Variants in NMNAT2 observed in about 807,000 individuals in gnomAD.
The protein encoded by NMNAT2 is nicotinamide nucleotide adenylyltransferase 2, also known as nicotinamide/nicotinic acid mononucleotide adenylyltransferase 2.
NMNAT2 carries 11 observed loss-of-function variants against 41.6 expected under a neutral mutation model. The observed-to-expected ratio is 0.26, with a 90% CI of 0.17 to 0.44. The LOEUF (loss-of-function observed/expected upper bound fraction) is 0.44. Ranked by LOEUF, NMNAT2 falls within the 20% of genes least tolerant of loss-of-function variation. The pLI is 1.00. For synonymous variants in NMNAT2, 148 were observed against 151.2 expected (o/e 0.98, Z 0.16); for missense variants, 288 against 407.7 (o/e 0.71, Z 2.53).
intron 1 of NMNAT2, among the ~76,000 whole-genome samples, chr1:183,393,579 G>A (rs1270110601): frequency 6.6e-6 from 1 of 152,048 alleles, no homozygotes; most frequent in Admixed American, 6.6e-5. Flanking sequence ...ATTTAGAGAC[G>A]GAATCTTACT....
chr1:183,390,876 TATC>T (rs926356810), intron 1 of NMNAT2, among the ~76,000 whole-genome samples: 1 of 152,124 alleles, frequency 6.6e-6, no homozygotes, highest in African/African-American at 2.4e-5. Context: ...TTTCTGAAAA[TATC>T]ATGACAGTTC....
intron 3 of NMNAT2, among the ~76,000 whole-genome samples, chr1:183,291,017 A>G (rs557405558): frequency 6.6e-6 from 1 of 152,286 alleles, no homozygotes; most frequent in East Asian, 1.9e-4. Flanking sequence ...CCTGGGTTCA[A>G]GTGATTCTCC....
At chr1:183,394,091 G>A (rs1352660315) in intron 1 of NMNAT2, among the ~76,000 whole-genome samples, 1 of 152,228 alleles carries the variant, frequency 6.6e-6, no homozygotes, top group Non-Finnish European at 1.5e-5. Context: ...AGCATAGCAA[G>A]TGAGCTATGT....
chr1:183,299,099 C>T (rs1661779498), intron 1 of NMNAT2, among the ~76,000 whole-genome samples: 1 of 152,174 alleles, frequency 6.6e-6, no homozygotes, highest in Non-Finnish European at 1.5e-5. Context: ...TGGCTGGGCA[C>T]CGTGGCTCAT....
At chr1:183,303,892 C>T (rs1476539407) in intron 1 of NMNAT2, among the ~76,000 whole-genome samples, 1 of 152,242 alleles carries the variant, frequency 6.6e-6, no homozygotes, top group Non-Finnish European at 1.5e-5. Flanking sequence ...ATTTCCTCTC[C>T]ACAGGGAGCA....
chr1:183,295,885 G>A (rs1254871687), intron 1 of NMNAT2, among the ~76,000 whole-genome samples: 1 of 152,050 alleles, frequency 6.6e-6, no homozygotes, highest in Admixed American at 6.6e-5. Context: ...TCTCGCTCTT[G>A]TCCCCTAAGC....
chr1:183,318,769 C>T (rs1662304046), intron 1 of NMNAT2, among the ~76,000 whole-genome samples: 1 of 152,180 alleles, frequency 6.6e-6, no homozygotes, highest in Admixed American at 6.5e-5. Flanking sequence ...TGCTGAACTC[C>T]CTAAAATCCG....
intron 1 of NMNAT2, among the ~76,000 whole-genome samples, chr1:183,393,082 G>A (rs573843129): frequency 3.9e-5 from 6 of 152,254 alleles, no homozygotes; most frequent in African/African-American, 1.2e-4. Flanking sequence ...CTCACAGAGA[G>A]CATCTCTGGA....
At chr1:183,297,940 G>A (rs566889787) in intron 1 of NMNAT2, among the ~76,000 whole-genome samples, 1 of 152,274 alleles carries the variant, frequency 6.6e-6, no homozygotes, top group East Asian at 1.9e-4. Context: ...CCACCAGCAA[G>A]CTAAAGAAAA....
At chr1:183,355,554 A>T (rs1307402548) in intron 1 of NMNAT2, among the ~76,000 whole-genome samples, 4 of 152,240 alleles carry the variant, frequency 2.6e-5, no homozygotes, top group Non-Finnish European at 4.4e-5. Context: ...CCTTTACTTG[A>T]GTGAAAACTC....
At chr1:183,323,627 G>A (rs964068486) in intron 1 of NMNAT2, among the ~76,000 whole-genome samples, 1 of 152,208 alleles carries the variant, frequency 6.6e-6, no homozygotes, top group African/African-American at 2.4e-5. Flanking sequence ...CTGCAACTCT[G>A]GAAGGAGACA....
At chr1:183,394,113 A>G (rs1399315539) in intron 1 of NMNAT2, among the ~76,000 whole-genome samples, 2 of 152,256 alleles carry the variant, frequency 1.3e-5, no homozygotes, top group Non-Finnish European at 2.9e-5. Flanking sequence ...TGAGATGCCC[A>G]CTAATAACTT....
chr1:183,312,749 G>A (rs924761106), intron 1 of NMNAT2, among the ~76,000 whole-genome samples: 3 of 152,042 alleles, frequency 2.0e-5, no homozygotes, highest in East Asian at 1.9e-4. Context: ...GTAAGATTTT[G>A]GATACCTTCC....
chr1:183,358,105 C>A (rs1252125579), intron 1 of NMNAT2, among the ~76,000 whole-genome samples: 2 of 152,146 alleles, frequency 1.3e-5, no homozygotes, highest in East Asian at 3.8e-4. Context: ...AGAATGAGAT[C>A]ATGTCCTTTG....
intron 7 of NMNAT2, among the ~76,000 whole-genome samples, chr1:183,281,096 T>A (rs10157065): frequency 0.02 from 3,089 of 152,256 alleles, 88 homozygotes; most frequent in African/African-American, 0.071. Flanking sequence ...AGTGTTAGTG[T>A]ATTTTATGTG....
At chr1:183,402,542 G>T (rs1287667485) in intron 1 of NMNAT2, among the ~76,000 whole-genome samples, 1 of 152,084 alleles carries the variant, frequency 6.6e-6, no homozygotes, top group East Asian at 1.9e-4. Context: ...CTCCTCAAAC[G>T]CTGCTCTTGA....
rs61123331 is a variant in NMNAT2 at position 183,317,495 on chromosome 1, C to G, written c.86-23702G>C. ...CCATGTTGCCCAGGCTGGTCTGGAACTGCTGGGCTCCAGCTATCCTCCTGC... is the reference window on the plus strand; with the variant it reads ...CCATGTTGCCCAGGCTGGTCTGGAAGTGCTGGGCTCCAGCTATCCTCCTGC... On this transcript the variant is annotated intron_variant, in intron 1 of 10. Coordinates refer to ENST00000287713, the MANE Select transcript of NMNAT2 (RefSeq NM_015039.4). Among the ~76,000 whole-genome samples, 1,096 of 152,286 alleles carry G rather than the reference C, an allele frequency of 7.2e-3. 11 individuals carry two copies. Among genetic ancestry groups the G allele is most frequent in the African/African-American group, 0.025 (1,053 of 41,556 alleles).
Position 183,266,230 on chromosome 1 carries a change from T to C in NMNAT2, c.652-4927A>G, listed in dbSNP as rs867206361. Among the ~76,000 whole-genome samples the C allele has an allele frequency of 2.2e-4, 33 of 152,338 alleles. No individual in the cohort carries two copies. The Middle Eastern group carries it at 0.01, about 47-fold the overall frequency. ...GAACTAGGAAACTAGTTCACCTCTG[T>C]CATCTCTCATTTGGATTGCTCTGGT... On this transcript the variant is annotated intron_variant, in intron 8 of 10. Coordinates refer to ENST00000287713, the MANE Select transcript of NMNAT2 (RefSeq NM_015039.4).
At position 183,261,312 on chromosome 1, in the gene NMNAT2, A is replaced by T. The variant is rs772596891; in HGVS notation, c.652-9T>A. 2 of 1,610,302 alleles carry T rather than the reference A, an allele frequency of 1.2e-6. No individual in the cohort carries two copies. Among genetic ancestry groups the T allele is most frequent in the Non-Finnish European group, 1.7e-6 (2 of 1,177,622 alleles). On this transcript the variant is annotated splice_polypyrimidine_tract_variant and intron_variant, in intron 8 of 10. Coordinates refer to ENST00000287713, the MANE Select transcript of NMNAT2 (RefSeq NM_015039.4). Reference sequence around the variant, plus strand: ...CCAACAATCACCTCCATCTAAAGAAACAGAGAGAGGGCCCTTTGGTGAAAC... The same window carrying T: ...CCAACAATCACCTCCATCTAAAGAATCAGAGAGAGGGCCCTTTGGTGAAAC...
Sources: allele counts gnomAD v4.1 joint callset (sites outside exome capture counted in the v4.1 genomes callset), GRCh38; gene constraint gnomAD v4.1.1; transcripts MANE v1.5; gene names NCBI Gene and HGNC (gene_info 2026-07-23, HGNC 2026-07-21).